Variants in TMEM45B observed in about 807,000 individuals in gnomAD.
TMEM45B encodes transmembrane protein 45B.
A neutral mutation model predicts 27.3 loss-of-function variants in TMEM45B; 29 were observed. The observed-to-expected ratio is 1.06, with a 90% CI of 0.79 to 1.45. The LOEUF (loss-of-function observed/expected upper bound fraction) is 1.45, where lower values mean the gene tolerates loss of function less well. Among genes scored for constraint, TMEM45B ranks in the 40% most tolerant of loss-of-function variants. The pLI is 0.00. For synonymous variants in TMEM45B, 143 were observed against 134.7 expected, an observed-to-expected ratio of 1.06 and a Z score of -0.43; for missense variants, 348 against 343.9, an observed-to-expected ratio of 1.01 and a Z score of -0.09.
intron 1 of TMEM45B, among the ~76,000 whole-genome samples, chr11:129,827,434 C>T (rs1451972575): frequency 3.3e-5 from 5 of 152,156 alleles, no homozygotes; most frequent in African/African-American, 7.2e-5. Context: ...AGCACATTAC[C>T]GTACCACACA....
Position 129,832,964 on chromosome 11 carries a change from G to A in TMEM45B, c.-9+17066G>A, listed in dbSNP as rs563799489. Among the ~76,000 whole-genome samples the A allele has an allele frequency of 2.1e-3, 314 of 152,154 alleles. 2 individuals are homozygous for A. The highest frequency in any genetic ancestry group is 7.0e-3 in the African/African-American group (290 of 41,500). On this transcript the variant is annotated intron_variant, in intron 1 of 5. Transcript: ENST00000281441. Reference sequence around the variant, plus strand: ...AAGGAAATGTAAGTGTTAATTGGCCGGGCCTGGTGGCTCACACCTGTAATC... The same window carrying A: ...AAGGAAATGTAAGTGTTAATTGGCCAGGCCTGGTGGCTCACACCTGTAATC...
rs71057982 is a variant in TMEM45B at position 129,851,543 on chromosome 11, CAAAA to C, written c.-8-920_-8-917del. On this transcript the variant is annotated intron_variant, in intron 1 of 5. Coordinates refer to ENST00000281441, the MANE Select transcript of TMEM45B (RefSeq NM_138788.5). Reference sequence around the variant, plus strand: ...TGGGTGACAGAGTGAAACTCTGCCTCAAAAAAAAAAAAAAAGTCCCCTTCTCTTA... The same window carrying C: ...TGGGTGACAGAGTGAAACTCTGCCTCAAAAAAAAAAAGTCCCCTTCTCTTA... Among the ~76,000 whole-genome samples the C allele has an allele frequency of 5.0e-3, 276 of 54,962 alleles. 34 individuals are homozygous for C. Among genetic ancestry groups the C allele is most frequent in the Admixed American group, 0.012 (62 of 5,052 alleles). The allele number at this position is 54,962 out of a possible 152,430, so 36.1% of individuals were successfully genotyped here. A position where few individuals can be genotyped will look rare whatever the true frequency, so the allele number is the denominator to read the frequency against.
chr11:129,824,814 G>C (rs1193009671), intron 1 of TMEM45B, among the ~76,000 whole-genome samples: 2 of 152,220 alleles, frequency 1.3e-5, no homozygotes, highest in Admixed American at 6.5e-5. Flanking sequence ...AAAACACAGA[G>C]GTGAGGCGCT....
intron 1 of TMEM45B, among the ~76,000 whole-genome samples, chr11:129,847,058 G>A (rs1334136811): frequency 6.6e-6 from 1 of 152,212 alleles, no homozygotes; most frequent in African/African-American, 2.4e-5. Context: ...CAACAAACGA[G>A]TATAATGCAA....
At chr11:129,850,136 TCTC>T (rs1436067988) in intron 1 of TMEM45B, among the ~76,000 whole-genome samples, 19 of 142,490 alleles carry the variant, frequency 1.3e-4, no homozygotes, top group Admixed American at 1.3e-3. Flanking sequence ...TCAAATTATT[TCTC>T]TTTTCTCACG....
chr11:129,857,241 C>T, intron 4 of TMEM45B, 72 bp from the exon 5 acceptor site: 1 of 1,579,230 alleles, frequency 6.3e-7, no homozygotes, highest in East Asian at 2.3e-5. Flanking sequence ...ACTTCGGTGG[C>T]CACAGGAGAA....
intron 4 of TMEM45B, among the ~76,000 whole-genome samples, chr11:129,856,125 G>A (rs1456430326): frequency 6.6e-6 from 1 of 152,180 alleles, no homozygotes; most frequent in African/African-American, 2.4e-5. Flanking sequence ...GCACGGTGAC[G>A]TTCAGCTGCC....
At chr11:129,848,771 C>T (rs1947803926) in intron 1 of TMEM45B, among the ~76,000 whole-genome samples, 1 of 152,136 alleles carries the variant, frequency 6.6e-6, no homozygotes. Flanking sequence ...AAATTTATTT[C>T]TCACAGTTCT....
chr11:129,816,550 G>C (rs1431119773), intron 1 of TMEM45B, among the ~76,000 whole-genome samples: 2 of 152,162 alleles, frequency 1.3e-5, no homozygotes, highest in East Asian at 3.9e-4. Context: ...GCGCAGTGGG[G>C]GAGAAATTTG....
chr11:129,848,928 A>C (rs1947805854), intron 1 of TMEM45B, among the ~76,000 whole-genome samples: 1 of 152,088 alleles, frequency 6.6e-6, no homozygotes, highest in East Asian at 1.9e-4. Context: ...CAAGGGAGGA[A>C]CCTTCATGGC....
At chr11:129,848,357 A>G (rs1304069039) in intron 1 of TMEM45B, among the ~76,000 whole-genome samples, 1 of 152,212 alleles carries the variant, frequency 6.6e-6, no homozygotes, top group East Asian at 1.9e-4. Flanking sequence ...CCAAAAAAAT[A>G]CGAAAACCCG....
chr11:129,820,366 G>C (rs1229462081), intron 1 of TMEM45B, among the ~76,000 whole-genome samples: 2 of 152,118 alleles, frequency 1.3e-5, no homozygotes, highest in East Asian at 3.9e-4. Context: ...TAAGGCGGGG[G>C]GAGAATGAAC....
In TMEM45B at chr11:129,858,780, G is replaced by C; in HGVS notation, c.*95G>C. On this transcript the variant is annotated 3_prime_UTR_variant, in exon 6 of 6. Transcript: ENST00000281441. ...AATGCCTGCTGTGGTCTGATCTTAAGGGTCTATATATTTGCACCTCCTCAT... is the reference window on the plus strand; with the variant it reads ...AATGCCTGCTGTGGTCTGATCTTAACGGTCTATATATTTGCACCTCCTCAT... The C allele has an allele frequency of 2.2e-6, 2 of 901,956 alleles. No homozygotes were observed. The highest frequency in any genetic ancestry group is 3.4e-6 in the Non-Finnish European group (2 of 594,920). The allele number at this position is 901,956 out of a possible 1,614,324, so 55.9% of individuals were successfully genotyped here. A position where few individuals can be genotyped will look rare whatever the true frequency, so the allele number is the denominator to read the frequency against.
chr11:129,838,406 G>A (rs1485601224), intron 1 of TMEM45B, among the ~76,000 whole-genome samples: 1 of 152,110 alleles, frequency 6.6e-6, no homozygotes, highest in Non-Finnish European at 1.5e-5. Flanking sequence ...CTTGTACTAT[G>A]ACAGAGCCCA....
In TMEM45B at chr11:129,837,585, C is replaced by CTTTTTTTTTTTTTTTTTTTT. The variant is rs200040338; in HGVS notation, c.-8-14875_-8-14874insTTTTTTTTTTTTTTTTTTTT. On this transcript the variant is annotated intron_variant, in intron 1 of 5. Transcript: ENST00000281441. Reference sequence around the variant, plus strand: ...TACAGGCATGAGCCACTGCACTGGGCTTTTTTTTTTTTTTTGAGACAGGGT... The same window carrying CTTTTTTTTTTTTTTTTTTTT: ...TACAGGCATGAGCCACTGCACTGGGCTTTTTTTTTTTTTTTTTTTTTTTTTTTTTTTTTTTGAGACAGGGT... Among the ~76,000 whole-genome samples the CTTTTTTTTTTTTTTTTTTTT allele has an allele frequency of 2.6e-3, 210 of 80,248 alleles. 44 individuals are homozygous for CTTTTTTTTTTTTTTTTTTTT. Among genetic ancestry groups the CTTTTTTTTTTTTTTTTTTTT allele is most frequent in the Non-Finnish European group, 3.7e-3 (150 of 40,468 alleles). The allele number at this position is 80,248 out of a possible 152,430, so 52.6% of individuals were successfully genotyped here. A position where few individuals can be genotyped will look rare whatever the true frequency, so the allele number is the denominator to read the frequency against.
intron 1 of TMEM45B, among the ~76,000 whole-genome samples, chr11:129,817,823 T>C (rs1400243922): frequency 6.6e-6 from 1 of 152,222 alleles, no homozygotes; most frequent in Non-Finnish European, 1.5e-5. Context: ...ATGTTACCTG[T>C]GTTGGGTGTA....
intron 1 of TMEM45B, among the ~76,000 whole-genome samples, chr11:129,848,163 G>A (rs1947793427): frequency 6.6e-6 from 1 of 152,090 alleles, no homozygotes; most frequent in African/African-American, 2.4e-5. Context: ...GGCCAAGGCA[G>A]GCAGCTGGGA....
Position 129,826,548 on chromosome 11 carries a change from CA to C in TMEM45B, c.-9+10670del, listed in dbSNP as rs1555069241. The stretch of plus-strand genomic sequence containing the variant: ...TGGGGGACACAGCAAGACTCTGTCA[CA>C]AAAAAAAAAAAAAAAAAAAGGACCC... On this transcript the variant is annotated intron_variant, in intron 1 of 5. Coordinates refer to ENST00000281441, the MANE Select transcript of TMEM45B (RefSeq NM_138788.5). Among the ~76,000 whole-genome samples the C allele has an allele frequency of 3.0e-3, 53 of 17,830 alleles. 1 individual carries two copies. Among genetic ancestry groups the C allele is most frequent in the Non-Finnish European group, 4.5e-3 (40 of 8,900 alleles). 11.7% of individuals were successfully genotyped at this position (17,830 alleles called of 152,430 possible).
intron 1 of TMEM45B, among the ~76,000 whole-genome samples, chr11:129,823,178 G>A (rs1423975188): frequency 2.6e-5 from 4 of 152,152 alleles, no homozygotes; most frequent in Non-Finnish European, 5.9e-5. Flanking sequence ...ATTTGGGACA[G>A]AATTTCTGTC....
Sources: allele counts gnomAD v4.1 joint callset (sites outside exome capture counted in the v4.1 genomes callset), GRCh38; gene constraint gnomAD v4.1.1; transcripts MANE v1.5; gene names NCBI Gene and HGNC (gene_info 2026-07-23, HGNC 2026-07-21).